Variants in ZBTB16 observed in about 807,000 individuals in gnomAD.
ZBTB16 encodes the protein zinc finger and BTB domain containing 16, also known as zinc finger and BTB domain-containing protein 16.
A neutral mutation model predicts 56.8 loss-of-function variants in ZBTB16; 8 were observed. The observed-to-expected ratio is 0.14, with a 90% confidence interval of 0.08 to 0.25. The LOEUF is 0.25. Ranked by LOEUF, ZBTB16 falls within the 10% of genes least tolerant of loss-of-function variation. The pLI is 1.00. For synonymous variants in ZBTB16, 363 were observed against 368.5 expected, an observed-to-expected ratio of 0.98 and a Z score of 0.17; for missense variants, 625 against 903.0, an observed-to-expected ratio of 0.69 and a Z score of 3.95.
intron 2 of ZBTB16, among the ~76,000 whole-genome samples, chr11:114,138,061 G>A (rs1182470636): frequency 2.6e-5 from 4 of 152,212 alleles, no homozygotes; most frequent in African/African-American, 9.6e-5. Context: ...GGGTGCACGG[G>A]ACCTGTTGGC....
rs112775330 is a variant in ZBTB16 at position 114,103,636 on chromosome 11, C to T, written c.1268+39068C>T. Among the ~76,000 whole-genome samples, 987 of 152,146 alleles carry T rather than the reference C, an allele frequency of 6.5e-3. 5 individuals are homozygous for T. Among genetic ancestry groups the T allele is most frequent in the Non-Finnish European group, 1.0e-2 (677 of 67,992 alleles). On this transcript the variant is annotated intron_variant, in intron 2 of 6. Transcript: ENST00000335953. The stretch of plus-strand genomic sequence containing the variant: ...GGCCCCTGGGTCGTTGGTGCTCCCC[C>T]ACCCTGTGTCAGCATCTAAACCTCT...
intron 2 of ZBTB16, among the ~76,000 whole-genome samples, chr11:114,100,854 C>T (rs912159457): frequency 2.2e-4 from 33 of 152,118 alleles, no homozygotes; most frequent in African/African-American, 7.0e-4. Context: ...CTACAGCTTT[C>T]GCAAAACTTA....
intron 3 of ZBTB16, among the ~76,000 whole-genome samples, chr11:114,182,145 G>C (rs994204024): frequency 6.6e-6 from 1 of 152,232 alleles, no homozygotes; most frequent in Middle Eastern, 3.4e-3. Context: ...TCTGCCTTCC[G>C]GGCTCAAGCT....
At chr11:114,136,958 T>A (rs78154758) in intron 2 of ZBTB16, among the ~76,000 whole-genome samples, 1,817 of 152,248 alleles carry the variant, frequency 0.012, 45 homozygotes, top group African/African-American at 0.041. Flanking sequence ...ACCACAATGA[T>A]CCCAGGTTCT....
At chr11:114,210,580 C>T (rs542828296) in intron 4 of ZBTB16, 62 of 230,132 alleles carry the variant, frequency 2.7e-4, no homozygotes, top group African/African-American at 1.3e-3. Context: ...ACCTTTGACC[C>T]TGAAACAAAA....
intron 4 of ZBTB16, among the ~76,000 whole-genome samples, chr11:114,235,107 T>G (rs1944537313): frequency 6.6e-6 from 1 of 152,096 alleles, no homozygotes; most frequent in South Asian, 2.1e-4. Context: ...CCTCCTAAAT[T>G]TGATATTTTC....
chr11:114,061,463 G>C (rs1257945157), intron 1 of ZBTB16: 1 of 152,286 alleles, frequency 6.6e-6, no homozygotes, highest in Non-Finnish European at 1.5e-5. Flanking sequence ...TCCCCACCCC[G>C]GGGCGGGCAG....
At position 114,064,506 on chromosome 11, in the gene ZBTB16, C is replaced by T. The variant is rs778479245; in HGVS notation, c.1206C>T (p.Ile402=). 10 of 1,613,988 alleles carry T rather than the reference C, an allele frequency of 6.2e-6. No homozygotes were observed. The highest frequency in any genetic ancestry group is 1.1e-5 in the South Asian group (1 of 91,084). Residue 402 remains isoleucine, a synonymous_variant, in exon 2 of 7, where the codon ATC becomes ATT. Coordinates refer to ENST00000335953, the MANE Select transcript of ZBTB16 (RefSeq NM_006006.6). The surrounding 1 kb of genome is among the most constrained non-coding windows in gnomAD (Gnocchi z 4.2). ...GCATGAAGTCAGAGAGCCGGACCATCGGAGAGCAGTGCAGCGTGTGTGGGG... is the reference window on the plus strand; with the variant it reads ...GCATGAAGTCAGAGAGCCGGACCATTGGAGAGCAGTGCAGCGTGTGTGGGG... ...AVGMKSESRT[I]GEQCSVCGVE...
chr11:114,256,743 C>T lies in ZBTB16; in HGVS notation c.*6188C>T, dbSNP rs114749149. Among the ~76,000 whole-genome samples the T allele has an allele frequency of 0.02, 3,083 of 152,236 alleles. 72 individuals are homozygous for T. The highest frequency in any genetic ancestry group is 0.059 in the African/African-American group (2,440 of 41,524). On this transcript the variant is annotated 3_prime_UTR_variant, in exon 7 of 7. Coordinates refer to ENST00000335953, the MANE Select transcript of ZBTB16 (RefSeq NM_006006.6). ...CGTGCAAGCTCTGCATTGTCATGGA[C>T]GGAATAAAGGATTTCCACAACACTC...
chr11:114,151,044 C>T (rs1942266640), intron 2 of ZBTB16, among the ~76,000 whole-genome samples: 1 of 152,150 alleles, frequency 6.6e-6, no homozygotes, highest in Non-Finnish European at 1.5e-5. Flanking sequence ...TCATTTAGGT[C>T]ATGGCTGGGA....
At chr11:114,124,233 T>C (rs970210520) in intron 2 of ZBTB16, among the ~76,000 whole-genome samples, 1 of 152,122 alleles carries the variant, frequency 6.6e-6, no homozygotes, top group Non-Finnish European at 1.5e-5. Flanking sequence ...AACAGCCTTC[T>C]TTATTTTTTA....
At chr11:114,105,104 G>A (rs773936791) in intron 2 of ZBTB16, among the ~76,000 whole-genome samples, 22 of 152,196 alleles carry the variant, frequency 1.4e-4, no homozygotes, top group Non-Finnish European at 2.6e-4. Flanking sequence ...GTGGTACATT[G>A]AGGAAGTTCC....
chr11:114,074,567 A>G (rs1253829619), intron 2 of ZBTB16, among the ~76,000 whole-genome samples: 1 of 152,214 alleles, frequency 6.6e-6, no homozygotes, highest in Non-Finnish European at 1.5e-5. Flanking sequence ...GATTACTTCC[A>G]GAGTTGGAGA....
At chr11:114,104,037 C>A (rs1454518511) in intron 2 of ZBTB16, among the ~76,000 whole-genome samples, 1 of 152,094 alleles carries the variant, frequency 6.6e-6, no homozygotes, top group Admixed American at 6.5e-5. Flanking sequence ...GCCAGGGTGC[C>A]CAGTTTGAGC....
chr11:114,237,039 G>T (rs1382656341), intron 4 of ZBTB16, among the ~76,000 whole-genome samples: 1 of 152,184 alleles, frequency 6.6e-6, no homozygotes, highest in Admixed American at 6.5e-5. Flanking sequence ...ATTGTGCAGG[G>T]CTGCCATGAC....
At chr11:114,216,997 C>T (rs2135142655) in intron 4 of ZBTB16, among the ~76,000 whole-genome samples, 1 of 152,130 alleles carries the variant, frequency 6.6e-6, no homozygotes, top group East Asian at 1.9e-4. Flanking sequence ...CAGCAGATAC[C>T]CAGGGGACAG....
At chr11:114,193,482 C>T (rs180765587) in intron 4 of ZBTB16, among the ~76,000 whole-genome samples, 17 of 152,246 alleles carry the variant, frequency 1.1e-4, no homozygotes, top group Admixed American at 6.5e-4. Context: ...AAAGAGGGGT[C>T]CTGTGTGACC....
At chr11:114,073,031 G>A (rs1939406481) in intron 2 of ZBTB16, among the ~76,000 whole-genome samples, 1 of 143,210 alleles carries the variant, frequency 7.0e-6, no homozygotes, top group South Asian at 2.2e-4. Context: ...ACTCCAGCCT[G>A]GGCAAAGGAG....
chr11:114,093,095 CTT>C (rs1405665973), intron 2 of ZBTB16, among the ~76,000 whole-genome samples: 10 of 152,342 alleles, frequency 6.6e-5, no homozygotes, highest in African/African-American at 2.4e-4. Context: ...ATAATGTTGA[CTT>C]TACTGACCTG....
Sources: allele counts gnomAD v4.1 joint callset (sites outside exome capture counted in the v4.1 genomes callset), GRCh38; gene constraint gnomAD v4.1.1; non-coding constraint Gnocchi (gnomAD v3.1); transcripts MANE v1.5; gene names NCBI Gene and HGNC (gene_info 2026-07-23, HGNC 2026-07-21).